The following IL1RAPL2 variants were observed in gnomAD, a reference collection of about 807,000 sequenced individuals.
The protein encoded by IL1RAPL2 is X-linked interleukin-1 receptor accessory protein-like 2.
A neutral mutation model predicts 44.1 loss-of-function variants in IL1RAPL2; 3 were observed. The observed-to-expected ratio is 0.07, with a 90% confidence interval of 0.03 to 0.18. The LOEUF (loss-of-function observed/expected upper bound fraction) is 0.18. IL1RAPL2 is among the 10% of genes least tolerant of loss of function. The pLI is 1.00. For synonymous variants in IL1RAPL2, 181 were observed against 178.8 expected (o/e 1.01, Z -0.10); for missense variants, 391 against 496.4 (o/e 0.79, Z 2.02).
intron 2 of IL1RAPL2, among the ~76,000 whole-genome samples, chrX:104,804,641 A>G (rs1470722092): frequency 2.7e-5 from 3 of 112,402 alleles, no homozygotes; most frequent in Admixed American, 9.4e-5. Context: ...TGATCCTGAC[A>G]TAATCAGGAG....
intron 2 of IL1RAPL2, among the ~76,000 whole-genome samples, chrX:105,145,649 A>G (rs1022221546): frequency 1.8e-5 from 2 of 111,365 alleles, no homozygotes; most frequent in African/African-American, 6.5e-5. Flanking sequence ...AGAGATAGGA[A>G]GTCCCCCTCT....
intron 2 of IL1RAPL2, among the ~76,000 whole-genome samples, chrX:104,939,192 G>A (rs1225598051): frequency 1.8e-5 from 2 of 109,933 alleles, no homozygotes; most frequent in African/African-American, 6.7e-5. Flanking sequence ...AAATAGCTGG[G>A]ACTCCAGGCA....
chrX:104,728,427 G>A (rs182163684), intron 2 of IL1RAPL2, among the ~76,000 whole-genome samples: 416 of 111,700 alleles, frequency 3.7e-3, no homozygotes, highest in African/African-American at 0.013. Context: ...CCACTTACAG[G>A]TTACAAGTAT....
chrX:105,286,777 G>A (rs2034575545), intron 5 of IL1RAPL2, among the ~76,000 whole-genome samples: 1 of 111,312 alleles, frequency 9.0e-6, no homozygotes, highest in Admixed American at 9.6e-5. Flanking sequence ...ATTCCATCAG[G>A]ACAGGAATCA....
chrX:104,753,494 T>C (rs1271358988), intron 2 of IL1RAPL2, among the ~76,000 whole-genome samples: 2 of 111,415 alleles, frequency 1.8e-5, no homozygotes, highest in Non-Finnish European at 3.8e-5. Context: ...CATCCGAGTA[T>C]TTTTCTTTGG....
At position 105,391,959 on chromosome X, in the gene IL1RAPL2, C is replaced by G. The variant is rs747213122; in HGVS notation, c.698-92354C>G. ...GAATTGAACAATGAGAACACATGGA[C>G]ACAGGAAGGGGAACATCACACTCTG... On this transcript the variant is annotated intron_variant, in intron 5 of 10. Transcript: ENST00000372582. 2.9e-3 allele frequency among the ~76,000 whole-genome samples: 217 copies of G among 75,812 alleles called. 1 individual carries two copies. Among genetic ancestry groups the G allele is most frequent in the African/African-American group, 0.011 (208 of 19,143 alleles). 65.8% of individuals were successfully genotyped at this position (75,812 alleles called of 115,157 possible).
chrX:105,208,881 C>G (rs1434744626), intron 3 of IL1RAPL2, among the ~76,000 whole-genome samples: 1 of 111,888 alleles, frequency 8.9e-6, no homozygotes, highest in African/African-American at 3.2e-5. Flanking sequence ...TAAGCTCAAT[C>G]TAAAGCTTGC....
At chrX:105,192,611 A>G (rs2033641817) in intron 2 of IL1RAPL2, among the ~76,000 whole-genome samples, 1 of 111,714 alleles carries the variant, frequency 9.0e-6, no homozygotes, top group African/African-American at 3.3e-5. Context: ...GCCTTAGCTC[A>G]TGGAAATTGA....
At chrX:104,921,626 G>A (rs758047706) in intron 2 of IL1RAPL2, among the ~76,000 whole-genome samples, 1 of 112,531 alleles carries the variant, frequency 8.9e-6, no homozygotes, top group South Asian at 3.7e-4. Context: ...AATGAGATTC[G>A]TAGCCTGATC....
chrX:104,823,961 G>T (rs779205173), intron 2 of IL1RAPL2, among the ~76,000 whole-genome samples: 19 of 111,643 alleles, frequency 1.7e-4, no homozygotes, highest in African/African-American at 6.2e-4. Flanking sequence ...TCCTTTCCTT[G>T]TGCTATTTTT....
chrX:104,765,774 G>A (rs765001001), intron 2 of IL1RAPL2, among the ~76,000 whole-genome samples: 1 of 111,781 alleles, frequency 8.9e-6, no homozygotes, highest in Admixed American at 9.5e-5. Flanking sequence ...GCAGTGTCTT[G>A]AGTAGAACTG....
intron 2 of IL1RAPL2, among the ~76,000 whole-genome samples, chrX:104,816,531 A>C (rs1296328526): frequency 8.9e-6 from 1 of 112,246 alleles, no homozygotes; most frequent in Non-Finnish European, 1.9e-5. Flanking sequence ...AAAAAGAAGC[A>C]TGGCTTTAAA....
At chrX:105,543,606 A>C (rs931657758) in intron 6 of IL1RAPL2, among the ~76,000 whole-genome samples, 3 of 112,425 alleles carry the variant, frequency 2.7e-5, no homozygotes, top group Non-Finnish European at 5.6e-5. Context: ...GAAGCCAAGA[A>C]AGACCACAGC....
chrX:105,332,605 A>G (rs904320204), intron 5 of IL1RAPL2, among the ~76,000 whole-genome samples: 1 of 111,643 alleles, frequency 9.0e-6, no homozygotes, highest in Admixed American at 9.6e-5. Flanking sequence ...ATATAATCTT[A>G]TATTTGGAAA....
At chrX:105,251,379 A>G (rs998355889) in intron 4 of IL1RAPL2, among the ~76,000 whole-genome samples, 2 of 110,412 alleles carry the variant, frequency 1.8e-5, no homozygotes, top group South Asian at 7.5e-4. Context: ...GCCTTCTGTC[A>G]TAACCATAAA....
At chrX:105,505,999 C>A (rs1183857388) in intron 6 of IL1RAPL2, among the ~76,000 whole-genome samples, 5 of 111,166 alleles carry the variant, frequency 4.5e-5, no homozygotes, top group Non-Finnish European at 9.4e-5. Context: ...ACCTACTATA[C>A]CTCGGACACT....
intron 2 of IL1RAPL2, among the ~76,000 whole-genome samples, chrX:104,931,616 G>A (rs1487362267): frequency 2.7e-5 from 3 of 111,303 alleles, no homozygotes; most frequent in African/African-American, 9.8e-5. Context: ...CCAATGAAAA[G>A]ATAGAAAAAT....
chrX:104,654,798 T>C (rs941859434), intron 1 of IL1RAPL2, among the ~76,000 whole-genome samples: 3 of 111,511 alleles, frequency 2.7e-5, no homozygotes, highest in Non-Finnish European at 5.7e-5. Flanking sequence ...ATTCTTCCTA[T>C]CCATGAGGAC....
intron 5 of IL1RAPL2, among the ~76,000 whole-genome samples, chrX:105,309,058 G>A (rs1207534666): frequency 1.8e-5 from 2 of 110,274 alleles, no homozygotes; most frequent in Admixed American, 1.9e-4. Context: ...TTTTGAGATG[G>A]AGTTTTGCCC....
Sources: gnomAD v4.1 joint callset for allele counts (sites outside exome capture counted in the v4.1 genomes callset) on GRCh38, gnomAD v4.1.1 for gene constraint, MANE v1.5 for transcripts, NCBI Gene and HGNC (gene_info 2026-07-23, HGNC 2026-07-21) for gene names.